ARAP1: variants seen among roughly 807,000 people sequenced by gnomAD.
The protein encoded by ARAP1 is ArfGAP with RhoGAP domain, ankyrin repeat and PH domain 1.
Under a neutral mutation model 172.2 loss-of-function variants are expected in ARAP1, and 76 were observed. That is an observed-to-expected ratio of 0.44 (90% CI 0.37 to 0.53). The LOEUF is 0.53. Ranked by LOEUF, ARAP1 falls within the 20% of genes least tolerant of loss-of-function variation. ARAP1 has a pLI of 0.00. For synonymous variants in ARAP1, 804 were observed against 803.3 expected (o/e 1.00, Z -0.01); for missense variants, 1,686 against 1,977.5 (o/e 0.85, Z 2.80).
rs892958325 is a variant in ARAP1 at position 72,733,636 on chromosome 11, G to T, written c.-127-1039C>A. 2.3e-4 allele frequency among the ~76,000 whole-genome samples: 35 copies of T among 152,116 alleles called. 1 individual carries two copies. The highest frequency in any genetic ancestry group is 2.2e-3 in the Admixed American group (33 of 15,274). On this transcript the variant is annotated intron_variant, in intron 1 of 34. Coordinates refer to ENST00000393609, the MANE Select transcript of ARAP1 (RefSeq NM_001040118.3). ...GACAGGTCTCCCTCCCCAGGACCTGGAACAGTCAGGTCTGCCAACACTAGG... is the reference window on the plus strand; with the variant it reads ...GACAGGTCTCCCTCCCCAGGACCTGTAACAGTCAGGTCTGCCAACACTAGG...
At chr11:72,721,952 G>A in intron 3 of ARAP1, 7 of 986,522 alleles carry the variant, frequency 7.1e-6, no homozygotes, top group Non-Finnish European at 8.4e-6. Flanking sequence ...GCAAGCCTGG[G>A]TCCCGCCTGG....
intron 11 of ARAP1, 139 bp downstream of exon 11, chr11:72,709,731 G>C: frequency 1.2e-6 from 1 of 839,928 alleles, no homozygotes; most frequent in Non-Finnish European, 2.0e-6. Flanking sequence ...AGTGACGGGA[G>C]AGGGGCTCCA....
At chr11:72,688,219 A>G (rs1281405500) in intron 31 of ARAP1, among the ~76,000 whole-genome samples, 1 of 152,094 alleles carries the variant, frequency 6.6e-6, no homozygotes, top group Non-Finnish European at 1.5e-5. Context: ...TCCTGGGCTC[A>G]AGCAATCCAC....
intron 7 of ARAP1, 74 bp from the exon 8 acceptor site, chr11:72,711,573 G>A (rs1591206456): frequency 7.0e-6 from 9 of 1,285,910 alleles, no homozygotes; most frequent in East Asian, 4.7e-5. Context: ...CCAGCCCTCA[G>A]AAGCCACACT....
intron 4 of ARAP1, among the ~76,000 whole-genome samples, 190 bp downstream of exon 4, chr11:72,713,962 G>A (rs1229490246): frequency 1.3e-5 from 2 of 152,208 alleles, no homozygotes; most frequent in Admixed American, 6.5e-5. Flanking sequence ...CCAGAGAGGT[G>A]GGTGCTGTCT....
chr11:72,712,587 C>T lies in ARAP1; in HGVS notation c.748-19G>A, dbSNP rs754473022. On this transcript the variant is annotated intron_variant, in intron 5 of 34. Transcript: ENST00000393609. ...GCTCCTCCTGCCCCCGAGACCCACT[C>T]AGCGTCATCCTTCCCTTCAAGCCAC... 2.5e-6 allele frequency: 4 copies of T among 1,610,676 alleles called. No homozygotes were observed. The highest frequency in any genetic ancestry group is 3.4e-6 in the Non-Finnish European group (4 of 1,179,978).
intron 7 of ARAP1, among the ~76,000 whole-genome samples, chr11:72,711,712 T>TTTC (rs985181860): frequency 6.6e-6 from 1 of 150,732 alleles, no homozygotes; most frequent in African/African-American, 2.4e-5. Flanking sequence ...TTTTTTTTTT[T>TTTC]TGAGACAGGG....
At chr11:72,706,848 C>G (rs975340576) in intron 12 of ARAP1, among the ~76,000 whole-genome samples, 5 of 152,172 alleles carry the variant, frequency 3.3e-5, no homozygotes, top group Non-Finnish European at 5.9e-5. Context: ...TCTTGCCTGG[C>G]CTTCCCTATT....
intron 11 of ARAP1, among the ~76,000 whole-genome samples, chr11:72,709,333 C>A (rs987289593): frequency 1.3e-5 from 2 of 152,250 alleles, no homozygotes. Context: ...CCAGGTCACA[C>A]AGCTAGTCAG....
chr11:72,692,819 T>C, intron 29 of ARAP1, 34 bp from the exon 30 acceptor site: 1 of 1,612,268 alleles, frequency 6.2e-7, no homozygotes, highest in Non-Finnish European at 8.5e-7. Context: ...ATGGAAGAAG[T>C]CCCAGGTCTA....
intron 13 of ARAP1, 82 bp downstream of exon 13, chr11:72,705,723 G>T: frequency 6.9e-7 from 1 of 1,442,362 alleles, no homozygotes; most frequent in Non-Finnish European, 9.7e-7. Flanking sequence ...TGGTCACTGA[G>T]ATAGGGAGGG....
At chr11:72,700,425 T>G (rs1416506080) in intron 16 of ARAP1, 3 of 152,306 alleles carry the variant, frequency 2.0e-5, no homozygotes. Flanking sequence ...CACAGCAGAC[T>G]CTGTCTCTCA....
At chr11:72,708,350 C>T (rs2135533694) in intron 11 of ARAP1, 1 of 152,412 alleles carries the variant, frequency 6.6e-6, no homozygotes, top group African/African-American at 2.4e-5. Flanking sequence ...TGCAACGAGC[C>T]ACTCATGCCA....
chr11:72,704,158 C>T lies in ARAP1; in HGVS notation c.1986G>A (p.Leu662=). ...YHPLFGNQEE[L]DKALCAAVTT... is the part of the protein sequence containing the mutation. ...AGAGCTGCAGTGCCCTGACCTTGTCCAGCTCCTCCTGGTTGCCAAAGAGCG... is the reference window on the plus strand; with the variant it reads ...AGAGCTGCAGTGCCCTGACCTTGTCTAGCTCCTCCTGGTTGCCAAAGAGCG... Residue 662 remains leucine (L), a synonymous_variant, in exon 14 of 35, where the codon CTG becomes CTA. Transcript: ENST00000393609. 6.2e-7 allele frequency: 1 copy of T among 1,614,122 alleles called. No individual in the cohort carries two copies. Among genetic ancestry groups the T allele is most frequent in the South Asian group, 1.1e-5 (1 of 91,080 alleles).
chr11:72,710,393 T>C lies in ARAP1; in HGVS notation c.1408A>G (p.Asn470Asp), dbSNP rs752028750. 1 of 1,613,880 alleles carries C rather than the reference T, an allele frequency of 6.2e-7. No homozygotes were observed. Among genetic ancestry groups the C allele is most frequent in the Non-Finnish European group, 8.5e-7 (1 of 1,179,926 alleles). Reference sequence around the variant, plus strand: ...CCATGACCCCTTAGCACCTCTAGATTCTTGTAGAGCTGCACTTTGTCCCCG... The same window carrying C: ...CCATGACCCCTTAGCACCTCTAGATCCTTGTAGAGCTGCACTTTGTCCCCG... ...VVGDKVQLYK[N>D]LEEYHLGIGI... Residue 470 changes from asparagine (N) to aspartate (D), a missense_variant, in exon 10 of 35, where the codon AAT becomes GAT. By Grantham distance (23) the Asn-to-Asp change is conservative. This residue lies in a region of ARAP1 where 688 missense variants were observed against 856.9 expected (regional missense o/e 0.80). Coordinates refer to ENST00000393609, the MANE Select transcript of ARAP1 (RefSeq NM_001040118.3). The surrounding 1 kb of genome is among the most constrained non-coding windows in gnomAD (Gnocchi z 4.3).
chr11:72,711,221 G>T, intron 8 of ARAP1, 80 bp from the exon 9 acceptor site: 1 of 1,579,022 alleles, frequency 6.3e-7, no homozygotes, highest in Middle Eastern at 1.9e-4. Context: ...GAAGTCTGCA[G>T]CCCTGTCTCC....
At chr11:72,720,495 T>C (rs1857462729) in intron 3 of ARAP1, among the ~76,000 whole-genome samples, 1 of 152,140 alleles carries the variant, frequency 6.6e-6, no homozygotes, top group South Asian at 2.1e-4. Context: ...CGGGAGCCCC[T>C]AGGGCCAGTC....
chr11:72,740,864 C>T (rs1442757571), intron 1 of ARAP1, among the ~76,000 whole-genome samples: 8 of 152,280 alleles, frequency 5.3e-5, no homozygotes, highest in Admixed American at 3.9e-4. Context: ...CCCACCCTGG[C>T]CCTGACTCTC....
intron 31 of ARAP1, among the ~76,000 whole-genome samples, 186 bp downstream of exon 31, chr11:72,688,269 G>C (rs1337189987): frequency 6.6e-6 from 1 of 152,150 alleles, no homozygotes; most frequent in Non-Finnish European, 1.5e-5. Context: ...ACAGATATGA[G>C]CCACTGCACT....
Sources: gnomAD v4.1 joint callset for allele counts (sites outside exome capture counted in the v4.1 genomes callset) on GRCh38, gnomAD v4.1.1 for gene constraint, gnomAD v4.1.1 regional missense constraint, Gnocchi (gnomAD v3.1) non-coding constraint, MANE v1.5 for transcripts, NCBI Gene and HGNC (gene_info 2026-07-23, HGNC 2026-07-21) for gene names.